The following KCNH1 variants were observed in gnomAD, a reference collection of about 807,000 sequenced individuals.
KCNH1 encodes the protein potassium voltage-gated channel subfamily H member 1, also known as voltage-gated delayed rectifier potassium channel KCNH1.
KCNH1 carries 27 observed loss-of-function variants against 69.2 expected under a neutral mutation model. That is an observed-to-expected ratio of 0.39 (90% confidence interval 0.29 to 0.54). The LOEUF (loss-of-function observed/expected upper bound fraction) is 0.54, where lower values mean the gene tolerates loss of function less well. Ranked by LOEUF, KCNH1 falls within the 20% of genes least tolerant of loss-of-function variation. The pLI is 0.68. For synonymous variants in KCNH1, 456 were observed against 487.7 expected (o/e 0.93, Z 0.86); for missense variants, 798 against 1,261.6 (o/e 0.63, Z 5.57).
At position 211,118,773 on chromosome 1, in the gene KCNH1, T is replaced by C. The variant is rs927648575; in HGVS notation, c.80-11396A>G. Among the ~76,000 whole-genome samples, 3 of 152,158 alleles carry C rather than the reference T, an allele frequency of 2.0e-5. No individual in the cohort carries two copies. In the South Asian group the frequency reaches 6.2e-4, roughly 31 times the overall value. ...AACACAGAGATATTCTCAAGAGAAA[T>C]TATTAAAAATTGCTTTTCATCAAAA... On this transcript the variant is annotated intron_variant, in intron 1 of 10. Coordinates refer to ENST00000271751, the MANE Select transcript of KCNH1 (RefSeq NM_172362.3).
At chr1:210,735,653 A>T (rs925409295) in intron 10 of KCNH1, among the ~76,000 whole-genome samples, 1 of 152,122 alleles carries the variant, frequency 6.6e-6, no homozygotes. Flanking sequence ...AAAAGTTTCT[A>T]TATGTTGATC....
chr1:210,742,861 G>A (rs913245633), intron 10 of KCNH1, among the ~76,000 whole-genome samples: 7 of 152,108 alleles, frequency 4.6e-5, no homozygotes, highest in South Asian at 2.1e-4. Flanking sequence ...GTGTGTGCGC[G>A]CGCGCGTGCA....
rs1690182959 is a variant in KCNH1, at chr1:211,050,543, C to A, written c.559-31287G>T. Among the ~76,000 whole-genome samples the A allele has an allele frequency of 2.0e-5, 3 of 152,216 alleles. No homozygotes were observed. In the South Asian group the frequency reaches 6.2e-4, roughly 31 times the overall value. On this transcript the variant is annotated intron_variant, in intron 5 of 10. Coordinates refer to ENST00000271751, the MANE Select transcript of KCNH1 (RefSeq NM_172362.3). Reference sequence around the variant, plus strand: ...TACACTACAGTCCAGGACCAACCCACATGACACCGTCACAAATACAATCCC... The same window carrying A: ...TACACTACAGTCCAGGACCAACCCAAATGACACCGTCACAAATACAATCCC...
intron 7 of KCNH1, chr1:210,858,165 G>A (rs1194993328): frequency 6.6e-6 from 1 of 152,144 alleles, no homozygotes; most frequent in Non-Finnish European, 1.5e-5. Flanking sequence ...ATATATGGGT[G>A]TTTAGCCATA....
intron 10 of KCNH1, among the ~76,000 whole-genome samples, chr1:210,743,874 A>G (rs1683090832): frequency 6.6e-6 from 1 of 152,168 alleles, no homozygotes; most frequent in Non-Finnish European, 1.5e-5. Context: ...GCTAGCTGGG[A>G]CTGGGAGCTT....
intron 10 of KCNH1, among the ~76,000 whole-genome samples, chr1:210,691,873 G>A (rs1321031353): frequency 1.3e-5 from 2 of 152,204 alleles, no homozygotes; most frequent in Non-Finnish European, 2.9e-5. Context: ...CAACTGTTTG[G>A]CTTATTGGAA....
At chr1:210,856,899 A>ATATATATAT (rs57245090) in intron 7 of KCNH1, among the ~76,000 whole-genome samples, 6 of 121,760 alleles carry the variant, frequency 4.9e-5, no homozygotes, top group South Asian at 2.9e-4. Flanking sequence ...ATATATATAT[A>ATATATATAT]AAATACTCAT....
chr1:210,828,029 G>A (rs1574280805), intron 7 of KCNH1, among the ~76,000 whole-genome samples: 2 of 152,198 alleles, frequency 1.3e-5, no homozygotes, highest in East Asian at 1.9e-4. Context: ...TTTTATTAGA[G>A]ATGCGGTTTC....
At chr1:210,898,667 G>A (rs1686923337) in intron 7 of KCNH1, among the ~76,000 whole-genome samples, 1 of 146,834 alleles carries the variant, frequency 6.8e-6, no homozygotes, top group East Asian at 2.0e-4. Context: ...CCTTGGAGGG[G>A]GCAGGCGTGG....
intron 7 of KCNH1, among the ~76,000 whole-genome samples, chr1:210,909,630 T>C (rs1687186339): frequency 6.6e-6 from 1 of 152,242 alleles, no homozygotes; most frequent in Non-Finnish European, 1.5e-5. Flanking sequence ...CTTGTCTCCT[T>C]TTGATCCCAG....
rs116476243 is a variant in KCNH1 at position 210,742,610 on chromosome 1, C to T, written c.2112+32738G>A. Among the ~76,000 whole-genome samples, 943 of 152,274 alleles carry T rather than the reference C, an allele frequency of 6.2e-3. 5 individuals carry two copies. Among genetic ancestry groups the T allele is most frequent in the African/African-American group, 0.022 (896 of 41,536 alleles). ...TTGGGTCTTAGACTACTGCCTCATG[C>T]ACTTTCCCAGAAAAGAATGATAAAT... On this transcript the variant is annotated intron_variant, in intron 10 of 10. Coordinates refer to ENST00000271751, the MANE Select transcript of KCNH1 (RefSeq NM_172362.3).
chr1:210,711,951 C>T (rs1419854972), intron 10 of KCNH1, among the ~76,000 whole-genome samples: 1 of 152,206 alleles, frequency 6.6e-6, no homozygotes, highest in Non-Finnish European at 1.5e-5. Context: ...TAGGTGGCCA[C>T]AGTCCCACAT....
chr1:210,790,748 T>C (rs1351833538), intron 9 of KCNH1, among the ~76,000 whole-genome samples: 1 of 152,214 alleles, frequency 6.6e-6, no homozygotes, highest in Non-Finnish European at 1.5e-5. Context: ...CTGTAAGCCA[T>C]AGTTACCTAC....
intron 5 of KCNH1, among the ~76,000 whole-genome samples, chr1:211,026,393 A>C (rs1404208665): frequency 2.6e-5 from 4 of 151,676 alleles, no homozygotes; most frequent in Admixed American, 6.6e-5. Flanking sequence ...AAAAAAAAAA[A>C]AACAACCACA....
At chr1:210,787,555 A>G (rs1684128091) in intron 9 of KCNH1, among the ~76,000 whole-genome samples, 1 of 152,188 alleles carries the variant, frequency 6.6e-6, no homozygotes, top group Admixed American at 6.5e-5. Flanking sequence ...GTTTGAACAG[A>G]ACAATGTTAA....
intron 7 of KCNH1, among the ~76,000 whole-genome samples, chr1:210,917,218 AG>A (rs1262980896): frequency 3.6e-4 from 21 of 57,644 alleles, no homozygotes; most frequent in Middle Eastern, 8.5e-3. Flanking sequence ...AGAGAGAGAG[AG>A]AGAGAGAGAG....
chr1:211,026,583 C>T (rs749778498), intron 5 of KCNH1, among the ~76,000 whole-genome samples: 3 of 152,140 alleles, frequency 2.0e-5, no homozygotes, highest in Non-Finnish European at 2.9e-5. Flanking sequence ...TCCCCTTTCT[C>T]GAAGCTGTAA....
intron 6 of KCNH1, among the ~76,000 whole-genome samples, chr1:210,929,429 CAT>C (rs896190873): frequency 2.0e-5 from 3 of 152,108 alleles, no homozygotes; most frequent in Admixed American, 6.6e-5. Context: ...ACAAAAATCA[CAT>C]GATTATCTCA....
chr1:211,082,945 A>G, intron 4 of KCNH1, 47 bp from the exon 5 acceptor site: 2 of 1,464,256 alleles, frequency 1.4e-6, no homozygotes, highest in Non-Finnish European at 1.9e-6. Context: ...CACATCCCAA[A>G]GGTGCACAGA....
Sources: allele counts gnomAD v4.1 joint callset (sites outside exome capture counted in the v4.1 genomes callset), GRCh38; gene constraint gnomAD v4.1.1; transcripts MANE v1.5; gene names NCBI Gene and HGNC (gene_info 2026-07-23, HGNC 2026-07-21).